The following IRS1 variants were observed in gnomAD, a reference collection of about 807,000 sequenced individuals.
IRS1 encodes the protein insulin receptor substrate 1.
Under a neutral mutation model 65.6 loss-of-function variants are expected in IRS1, and 34 were observed. The observed-to-expected ratio is 0.52, with a 90% CI of 0.39 to 0.69. The LOEUF is 0.69. IRS1 is among the 30% of genes least tolerant of loss of function. IRS1 has a pLI of 0.00. For missense variants in IRS1, 1,641 were observed against 1,720.2 expected (o/e 0.95, Z 0.81); for synonymous variants, 699 against 683.5 (o/e 1.02, Z -0.35).
Position 226,797,219 on chromosome 2 carries a change from GCCAAGGCTGGACTCGTGC to G in IRS1, c.1502_1519del (p.Gly501_Leu506del). The stretch of plus-strand genomic sequence containing the variant: ...TGCAGCACTGGCTGCTTCATCCCCA[GCCAAGGCTGGACTCGTGC>G]CCAAGCCTGTTCCTGGGGTGCAGCG... On this transcript the variant is annotated inframe_deletion, in exon 1 of 2. Coordinates refer to ENST00000305123, the MANE Select transcript of IRS1 (RefSeq NM_005544.3). This position sits in a 1 kb window ranked among gnomAD's most constrained non-coding sequence, Gnocchi z 8.1. 1 of 1,613,652 alleles carries G rather than the reference GCCAAGGCTGGACTCGTGC, an allele frequency of 6.2e-7. No homozygotes were observed. Among genetic ancestry groups the G allele is most frequent in the Non-Finnish European group, 8.5e-7 (1 of 1,180,002 alleles).
At chr2:226,762,779 G>A (rs546397768) in intron 1 of IRS1, among the ~76,000 whole-genome samples, 3 of 152,168 alleles carry the variant, frequency 2.0e-5, no homozygotes, top group Admixed American at 6.5e-5. Flanking sequence ...TGCACCAGCC[G>A]AATACATATT....
chr2:226,774,556 G>A (rs1182901014), intron 1 of IRS1, among the ~76,000 whole-genome samples: 1 of 152,116 alleles, frequency 6.6e-6, no homozygotes, highest in African/African-American at 2.4e-5. Context: ...AATATTCAAG[G>A]TTTGGGAAAG....
At chr2:226,772,230 C>A (rs1362171822) in intron 1 of IRS1, among the ~76,000 whole-genome samples, 1 of 152,158 alleles carries the variant, frequency 6.6e-6, no homozygotes, top group African/African-American at 2.4e-5. Flanking sequence ...CAAACCATGA[C>A]AAACTCTGTG....
Position 226,798,792 on chromosome 2 carries a change from G to C in IRS1, c.-54C>G, listed in dbSNP as rs1939820197. Reference sequence around the variant, plus strand: ...AGAGGGAGGCTCCGAAAAACAACCGGGTGGGGGGCGGAGGCTCCTCGCCGC... The same window carrying C: ...AGAGGGAGGCTCCGAAAAACAACCGCGTGGGGGGCGGAGGCTCCTCGCCGC... On this transcript the variant is annotated 5_prime_UTR_variant, in exon 1 of 2. Coordinates refer to ENST00000305123, the MANE Select transcript of IRS1 (RefSeq NM_005544.3). This position sits in a 1 kb window ranked among gnomAD's most constrained non-coding sequence, Gnocchi z 9.4. 1.9e-6 allele frequency: 3 copies of C among 1,570,068 alleles called. No homozygotes were observed. Among genetic ancestry groups the C allele is most frequent in the Non-Finnish European group, 2.6e-6 (3 of 1,158,700 alleles).
chr2:226,749,583 A>G (rs1938631372), intron 1 of IRS1, among the ~76,000 whole-genome samples: 1 of 152,202 alleles, frequency 6.6e-6, no homozygotes, highest in Non-Finnish European at 1.5e-5. Context: ...ATAAGTCAGT[A>G]AGCTGGGACC....
chr2:226,771,784 T>C (rs974288992), intron 1 of IRS1, among the ~76,000 whole-genome samples: 1 of 152,102 alleles, frequency 6.6e-6, no homozygotes, highest in African/African-American at 2.4e-5. Flanking sequence ...GAAGAAAACA[T>C]TCAGCACTCC....
chr2:226,771,162 G>A (rs1939157378), intron 1 of IRS1, among the ~76,000 whole-genome samples: 1 of 152,142 alleles, frequency 6.6e-6, no homozygotes, highest in Non-Finnish European at 1.5e-5. Context: ...GGAGGGAGTG[G>A]TATATGTAAA....
chr2:226,767,687 G>A (rs1574651599), intron 1 of IRS1, among the ~76,000 whole-genome samples: 1 of 152,162 alleles, frequency 6.6e-6, no homozygotes, highest in African/African-American at 2.4e-5. Flanking sequence ...GCAGCCTGCC[G>A]CTGTGGCAAG....
intron 1 of IRS1, among the ~76,000 whole-genome samples, chr2:226,764,773 C>T (rs959628888): frequency 6.6e-6 from 1 of 152,144 alleles, no homozygotes; most frequent in African/African-American, 2.4e-5. Flanking sequence ...GGGTTGCCGT[C>T]GTCAAGGTTT....
chr2:226,793,336 A>G (rs1004283109), intron 1 of IRS1, among the ~76,000 whole-genome samples: 2 of 152,256 alleles, frequency 1.3e-5, no homozygotes, highest in African/African-American at 2.4e-5. Flanking sequence ...GAGGCACTTT[A>G]TAATACAAAT....
At position 226,798,294 on chromosome 2, in the gene IRS1, A is replaced by G. The variant is rs1235081114; in HGVS notation, c.445T>C (p.Leu149=). The change falls in exon 1 of 2, where the codon TTG becomes CTG. Residue 149 remains leucine, a synonymous_variant. Transcript: ENST00000305123. The surrounding 1 kb of genome is among the most constrained non-coding windows in gnomAD (Gnocchi z 9.4). ...CCTGGGGGCACGTCACCGTAGCTCA[A>G]GTCCTCCCCAGCCTCACCAAGGCCG... ...SSGLGEAGED[L]SYGDVPPGPA... The G allele has an allele frequency of 1.2e-6, 2 of 1,612,944 alleles. No individual in the cohort carries two copies. Among genetic ancestry groups the G allele is most frequent in the African/African-American group, 2.7e-5 (2 of 74,904 alleles).
In IRS1 at chr2:226,795,601, C is replaced by T. The variant is rs1289266518; in HGVS notation, c.3138G>A (p.Gly1046=). 2 of 1,612,556 alleles carry T rather than the reference C, an allele frequency of 1.2e-6. No individual in the cohort carries two copies. Among genetic ancestry groups the T allele is most frequent in the African/African-American group, 2.7e-5 (2 of 75,060 alleles). Residue 1046 remains glycine, a synonymous_variant, in exon 1 of 2, where the codon GGG becomes GGA. Coordinates refer to ENST00000305123, the MANE Select transcript of IRS1 (RefSeq NM_005544.3). ...SSSAASASPT[G]PQGAAELAAH... Reference sequence around the variant, plus strand: ...CAGCCAGCTCTGCTGCCCCTTGAGGCCCAGTCGGGGAAGCAGAGGCTGCTG... The same window carrying T: ...CAGCCAGCTCTGCTGCCCCTTGAGGTCCAGTCGGGGAAGCAGAGGCTGCTG...
chr2:226,775,869 C>A (rs114508451), intron 1 of IRS1, among the ~76,000 whole-genome samples: 1 of 151,786 alleles, frequency 6.6e-6, no homozygotes, highest in East Asian at 1.9e-4. Context: ...AGTGTTATAC[C>A]GTATTGTTTA....
intron 1 of IRS1, among the ~76,000 whole-genome samples, chr2:226,762,337 G>T (rs1938932363): frequency 7.2e-6 from 1 of 138,572 alleles, no homozygotes; most frequent in African/African-American, 2.7e-5. Flanking sequence ...TATCTAAAAT[G>T]CCATCAGAAC....
intron 1 of IRS1, among the ~76,000 whole-genome samples, chr2:226,785,148 C>A (rs1445073824): frequency 6.6e-6 from 1 of 152,118 alleles, no homozygotes; most frequent in African/African-American, 2.4e-5. Context: ...TCCAGAAAGT[C>A]TTCAAAAAGA....
At chr2:226,768,436 C>A (rs1459145626) in intron 1 of IRS1, among the ~76,000 whole-genome samples, 1 of 152,004 alleles carries the variant, frequency 6.6e-6, no homozygotes, top group Non-Finnish European at 1.5e-5. Context: ...TGCATTGATA[C>A]AAATATATTT....
chr2:226,776,502 C>T (rs1939277073), intron 1 of IRS1, among the ~76,000 whole-genome samples: 1 of 152,180 alleles, frequency 6.6e-6, no homozygotes, highest in Admixed American at 6.5e-5. Flanking sequence ...AACACTCCTT[C>T]AGCCAAGTTA....
At chr2:226,771,480 G>A (rs1939164007) in intron 1 of IRS1, among the ~76,000 whole-genome samples, 1 of 152,158 alleles carries the variant, frequency 6.6e-6, no homozygotes, top group Non-Finnish European at 1.5e-5. Context: ...ATGAACCACA[G>A]TTAGTTACTG....
rs1938311954 is a variant in IRS1, at chr2:226,735,727, T to A, written c.*545A>T. On this transcript the variant is annotated 3_prime_UTR_variant, in exon 2 of 2. Coordinates refer to ENST00000305123, the MANE Select transcript of IRS1 (RefSeq NM_005544.3). ...TACAACAGAACATTGTATACCTCCA[T>A]CCCACATCCAAAAAAAAGATGTGCT... 6.6e-6 allele frequency: 1 copy of A among 152,582 alleles called. No homozygotes were observed. Among genetic ancestry groups the A allele is most frequent in the Non-Finnish European group, 1.5e-5 (1 of 68,026 alleles). The allele number at this position is 152,582 out of a possible 1,614,324, so 9.5% of individuals were successfully genotyped here.
Sources: allele counts gnomAD v4.1 joint callset (sites outside exome capture counted in the v4.1 genomes callset), GRCh38; gene constraint gnomAD v4.1.1; non-coding constraint Gnocchi (gnomAD v3.1); transcripts MANE v1.5; gene names NCBI Gene and HGNC (gene_info 2026-07-23, HGNC 2026-07-21).